PTPN1: variants seen among roughly 807,000 people sequenced by gnomAD.
The protein encoded by PTPN1 is tyrosine-protein phosphatase non-receptor type 1.
Under a neutral mutation model 59.9 loss-of-function variants are expected in PTPN1, and 12 were observed. The observed-to-expected ratio is 0.20, with a 90% confidence interval of 0.13 to 0.32. PTPN1 has a LOEUF of 0.32. Among genes scored for constraint, PTPN1 ranks in the 10% least tolerant of loss-of-function variants. The pLI is 1.00. For missense variants in PTPN1, 356 were observed against 549.2 expected, an observed-to-expected ratio of 0.65 and a Z score of 3.52; for synonymous variants, 178 against 203.6, an observed-to-expected ratio of 0.87 and a Z score of 1.07.
At chr20:50,555,666 T>C (rs2082722980) in intron 1 of PTPN1, among the ~76,000 whole-genome samples, 1 of 152,216 alleles carries the variant, frequency 6.6e-6, no homozygotes, top group South Asian at 2.1e-4. Context: ...GTAGATACCT[T>C]TTATTTTCCC....
At chr20:50,571,576 T>C (rs991204163) in intron 4 of PTPN1, 2 of 152,270 alleles carry the variant, frequency 1.3e-5, no homozygotes, top group Non-Finnish European at 2.9e-5. Context: ...CATACTTGTC[T>C]TCTGATTTCC....
intron 5 of PTPN1, among the ~76,000 whole-genome samples, chr20:50,577,138 T>G (rs1158289384): frequency 6.6e-6 from 1 of 152,150 alleles, no homozygotes; most frequent in Non-Finnish European, 1.5e-5. Flanking sequence ...CTAGTGTATT[T>G]AATGGCTGAG....
chr20:50,514,908 G>T (rs2082522487), intron 1 of PTPN1, among the ~76,000 whole-genome samples: 2 of 152,162 alleles, frequency 1.3e-5, no homozygotes, highest in Admixed American at 1.3e-4. Context: ...GGAGTAGTTG[G>T]TGATTCCCTC....
At chr20:50,554,489 G>A (rs2082717577) in intron 1 of PTPN1, among the ~76,000 whole-genome samples, 1 of 151,414 alleles carries the variant, frequency 6.6e-6, no homozygotes, top group Non-Finnish European at 1.5e-5. Flanking sequence ...ATAAAAAAAA[G>A]GAAGTCCTTG....
chr20:50,525,476 GTC>G (rs1041322796), intron 1 of PTPN1, among the ~76,000 whole-genome samples: 1 of 152,210 alleles, frequency 6.6e-6, no homozygotes, highest in African/African-American at 2.4e-5. Context: ...TATAGAAGCA[GTC>G]TCTCTGCCAT....
chr20:50,537,367 A>G (rs2082628623), intron 1 of PTPN1, among the ~76,000 whole-genome samples: 1 of 152,106 alleles, frequency 6.6e-6, no homozygotes. Flanking sequence ...AAAATAAAAC[A>G]GAGAGATCCC....
At position 50,510,577 on chromosome 20, in the gene PTPN1, C is replaced by G; in HGVS notation, c.50C>G (p.Ala17Gly). 1.3e-6 allele frequency: 2 copies of G among 1,550,288 alleles called. No individual in the cohort carries two copies. Among genetic ancestry groups the G allele is most frequent in the Non-Finnish European group, 1.7e-6 (2 of 1,146,394 alleles). ...CAGATCGACAAGTCCGGGAGCTGGG[C>G]GGCCATTTACCAGGTGCGGGAGCGC... is the stretch of plus-strand genomic sequence containing the variant. ...FEQIDKSGSW[A>G]AIYQDIRHEA... The change falls in exon 1 of 10, where the codon GCG becomes GGG. Residue 17 changes from alanine (A) to glycine (G), a missense_variant. This residue lies in a region of PTPN1 where 194 missense variants were observed against 344.2 expected (regional missense o/e 0.56). Coordinates refer to ENST00000371621, the MANE Select transcript of PTPN1 (RefSeq NM_002827.4).
chr20:50,553,262 A>G (rs1278286356), intron 1 of PTPN1, among the ~76,000 whole-genome samples: 1 of 152,188 alleles, frequency 6.6e-6, no homozygotes. Context: ...ACCTTAGTAG[A>G]CTGGAAAGGG....
chr20:50,521,932 G>A (rs555454774), intron 1 of PTPN1, among the ~76,000 whole-genome samples: 1 of 152,154 alleles, frequency 6.6e-6, no homozygotes, highest in Non-Finnish European at 1.5e-5. Context: ...TGTCCTTGTC[G>A]GTGTACACTA....
At chr20:50,553,303 G>T (rs566402074) in intron 1 of PTPN1, among the ~76,000 whole-genome samples, 3 of 152,196 alleles carry the variant, frequency 2.0e-5, no homozygotes, top group Non-Finnish European at 4.4e-5. Context: ...TCTGCCTGGC[G>T]ATCTTGCTGA....
rs11287235 is a variant in PTPN1, at chr20:50,522,920, A to AT, written c.63+12347dup. ...AGGTGCCTGCCACGATGCCCGGCTAATTTTTTTTTTTTTTTTTGTATTTTT... is the reference window on the plus strand; with the variant it reads ...AGGTGCCTGCCACGATGCCCGGCTAATTTTTTTTTTTTTTTTTTGTATTTTT... On this transcript the variant is annotated intron_variant, in intron 1 of 9. Transcript: ENST00000371621. Among the ~76,000 whole-genome samples the AT allele has an allele frequency of 4.2e-3, 589 of 140,380 alleles. 3 individuals are homozygous for AT. Among genetic ancestry groups the AT allele is most frequent in the South Asian group, 8.0e-3 (35 of 4,370 alleles). The allele number at this position is 140,380 out of a possible 152,430, so 92.1% of individuals were successfully genotyped here.
Position 50,582,540 on chromosome 20 carries a change from G to T in PTPN1, c.1285-152G>T. ...ATTTTTTCCTTGGGGATGATTTTTG[G>T]GGAGAGGGGGCTACTGTAAAAAATA... On this transcript the variant is annotated intron_variant, in intron 9 of 9. Coordinates refer to ENST00000371621, the MANE Select transcript of PTPN1 (RefSeq NM_002827.4). This position sits in a 1 kb window ranked among gnomAD's most constrained non-coding sequence, Gnocchi z 4.2. 1.4e-6 allele frequency: 1 copy of T among 724,410 alleles called. No individual in the cohort carries two copies. 44.9% of individuals were successfully genotyped at this position (724,410 alleles called of 1,614,324 possible).
chr20:50,519,858 T>C (rs73908885), intron 1 of PTPN1, among the ~76,000 whole-genome samples: 3,468 of 152,250 alleles, frequency 0.023, 151 homozygotes, highest in African/African-American at 0.077. Flanking sequence ...AGGTTGATCA[T>C]AAGGAAGTGA....
At chr20:50,561,299 G>C in intron 1 of PTPN1, 64 bp from the exon 2 acceptor site, 1 of 1,266,692 alleles carries the variant, frequency 7.9e-7, no homozygotes, top group Admixed American at 2.0e-5. Flanking sequence ...TTTGATGTCT[G>C]TTTCTTTGCT....
At chr20:50,521,552 A>G (rs1014049298) in intron 1 of PTPN1, among the ~76,000 whole-genome samples, 1 of 152,188 alleles carries the variant, frequency 6.6e-6, no homozygotes, top group Non-Finnish European at 1.5e-5. Context: ...ATGGCTGTGA[A>G]GAGAGACAGG....
chr20:50,542,596 T>C (rs2082657672), intron 1 of PTPN1, among the ~76,000 whole-genome samples: 1 of 152,208 alleles, frequency 6.6e-6, no homozygotes, highest in Non-Finnish European at 1.5e-5. Context: ...AATAGTTGTT[T>C]ATAAGGCCTA....
chr20:50,541,724 C>T (rs1288863195), intron 1 of PTPN1, among the ~76,000 whole-genome samples: 1 of 152,184 alleles, frequency 6.6e-6, no homozygotes, highest in African/African-American at 2.4e-5. Flanking sequence ...CTTCTCCACC[C>T]TGGCCCTCAT....
At position 50,568,909 on chromosome 20, in the gene PTPN1, A is replaced by G. The variant is rs1286469796; in HGVS notation, c.354+431A>G. Reference sequence around the variant, plus strand: ...TGCGGAGCTGTGGGAGCGGCTGACTAGATGAGATTTGCCTCCATTCAGTAC... The same window carrying G: ...TGCGGAGCTGTGGGAGCGGCTGACTGGATGAGATTTGCCTCCATTCAGTAC... On this transcript the variant is annotated intron_variant, in intron 4 of 9. Transcript: ENST00000371621. The surrounding 1 kb of genome is among the most constrained non-coding windows in gnomAD (Gnocchi z 5.6). Among the ~76,000 whole-genome samples, 9 of 152,276 alleles carry G rather than the reference A, an allele frequency of 5.9e-5. No homozygotes were observed. The highest frequency in any genetic ancestry group is 2.2e-4 in the African/African-American group (9 of 41,550).
intron 1 of PTPN1, among the ~76,000 whole-genome samples, chr20:50,558,753 G>A (rs1186110401): frequency 1.3e-5 from 2 of 152,098 alleles, no homozygotes; most frequent in Non-Finnish European, 2.9e-5. Flanking sequence ...TTGGGATAGC[G>A]TGTTCACACA....
Sources: gnomAD v4.1 joint callset for allele counts (sites outside exome capture counted in the v4.1 genomes callset) on GRCh38, gnomAD v4.1.1 for gene constraint, gnomAD v4.1.1 regional missense constraint, Gnocchi (gnomAD v3.1) non-coding constraint, MANE v1.5 for transcripts, NCBI Gene and HGNC (gene_info 2026-07-23, HGNC 2026-07-21) for gene names.